Variants in C3orf38 observed in about 807,000 individuals in gnomAD.
The protein encoded by C3orf38 is chromosome 3 open reading frame 38.
C3orf38 carries 18 observed loss-of-function variants against 28.3 expected under a neutral mutation model. The ratio of observed to expected loss-of-function variants is 0.64; its 90% CI spans 0.44 to 0.94. The LOEUF is 0.94. Ranked by LOEUF, C3orf38 falls within the 40% of genes least tolerant of loss-of-function variation. The pLI is 0.00. For missense variants in C3orf38, 364 were observed against 396.4 expected, an observed-to-expected ratio of 0.92 and a Z score of 0.69; for synonymous variants, 145 against 138.1, an observed-to-expected ratio of 1.05 and a Z score of -0.35.
intron 1 of C3orf38, among the ~76,000 whole-genome samples, chr3:88,151,921 T>C (rs1707419593): frequency 6.6e-6 from 1 of 152,062 alleles, no homozygotes; most frequent in Admixed American, 6.5e-5. Flanking sequence ...AGAAGGGAAA[T>C]TTTAAAGCAA....
intron 2 of C3orf38, among the ~76,000 whole-genome samples, chr3:88,155,097 T>G (rs1296350223): frequency 1.1e-4 from 17 of 152,034 alleles, no homozygotes; most frequent in Non-Finnish European, 1.9e-4. Context: ...TAACCTCAAG[T>G]GATCTGCCTG....
At chr3:88,154,558 T>A (rs532236115) in intron 2 of C3orf38, among the ~76,000 whole-genome samples, 25 of 152,334 alleles carry the variant, frequency 1.6e-4, no homozygotes, top group African/African-American at 5.8e-4. Context: ...TTTTTTGAAT[T>A]AATGAGGTTT....
chr3:88,153,544 G>C, intron 2 of C3orf38, 73 bp downstream of exon 2: 1 of 1,515,406 alleles, frequency 6.6e-7, no homozygotes, highest in Non-Finnish European at 9.0e-7. Context: ...CTAGATTGTG[G>C]GGAACATGGT....
At chr3:88,155,071 A>T (rs1707461074) in intron 2 of C3orf38, among the ~76,000 whole-genome samples, 1 of 151,786 alleles carries the variant, frequency 6.6e-6, no homozygotes, top group East Asian at 1.9e-4. Flanking sequence ...TGTTGTCAAG[A>T]CTGGTCTTGA....
chr3:88,156,603 G>T lies in C3orf38; in HGVS notation c.958G>T (p.Ala320Ser), dbSNP rs1252953947. Reference protein sequence around the residue: ...TNEVRHNVKQASDSGTGDQV With the variant: ...TNEVRHNVKQSSDSGTGDQV ...TGAAGTACGACATAATGTAAAGCAG[G>T]CTTCGGATAGTGGAACTGGGGACCA... Residue 320 changes from alanine to serine, a missense_variant, in exon 3 of 3, where the codon GCT becomes TCT. Ala to Ser is a moderately conservative substitution (Grantham distance 99). Coordinates refer to ENST00000318887, the MANE Select transcript of C3orf38 (RefSeq NM_173824.4). 6.2e-7 allele frequency: 1 copy of T among 1,611,540 alleles called. No homozygotes were observed. The highest frequency in any genetic ancestry group is 1.3e-5 in the African/African-American group (1 of 74,792).
At chr3:88,150,292 A>C in intron 1 of C3orf38, 107 bp downstream of exon 1, 1 of 1,365,544 alleles carries the variant, frequency 7.3e-7, no homozygotes, top group Non-Finnish European at 1.0e-6. Flanking sequence ...GCAGATCCAC[A>C]GCTCTGGAAC....
chr3:88,153,906 A>G lies in C3orf38; in HGVS notation c.375+435A>G, dbSNP rs532273606. Among the ~76,000 whole-genome samples the G allele has an allele frequency of 1.1e-4, 16 of 152,258 alleles. No individual in the cohort carries two copies. In the South Asian group the frequency reaches 3.3e-3, roughly 32 times the overall value. ...TAATTTTAACTTTATTTCATATCCT[A>G]TCAATCCTGAAGGAAGGAAGAGACC... On this transcript the variant is annotated intron_variant, in intron 2 of 2. Coordinates refer to ENST00000318887, the MANE Select transcript of C3orf38 (RefSeq NM_173824.4).
chr3:88,156,653 A>G lies in C3orf38; in HGVS notation c.*18A>G, dbSNP rs1707484366. 1.3e-6 allele frequency: 2 copies of G among 1,598,246 alleles called. No homozygotes were observed. The highest frequency in any genetic ancestry group is 1.3e-5 in the African/African-American group (1 of 74,208). On this transcript the variant is annotated 3_prime_UTR_variant, in exon 3 of 3. Transcript: ENST00000318887. ...AAGTTTGAGGTAGTGGAAATGAGAC[A>G]TTGCTGAACAAAAGAGAACTGGGTT... is the stretch of plus-strand genomic sequence containing the variant.
intron 1 of C3orf38, among the ~76,000 whole-genome samples, 186 bp downstream of exon 1, chr3:88,150,371 G>C (rs1384839558): frequency 6.6e-6 from 1 of 152,184 alleles, no homozygotes; most frequent in African/African-American, 2.4e-5. Flanking sequence ...ACGGCTTCCA[G>C]GTTTTATCCA....
intron 2 of C3orf38, among the ~76,000 whole-genome samples, chr3:88,154,279 G>A (rs1195200283): frequency 4.6e-5 from 7 of 151,976 alleles, no homozygotes; most frequent in Non-Finnish European, 1.0e-4. Flanking sequence ...GGTTTGCTGC[G>A]CCTATCAACC....
rs1454096561 is a variant in C3orf38, at chr3:88,150,159, G to T, written c.107G>T (p.Arg36Leu). 5.0e-6 allele frequency: 8 copies of T among 1,613,970 alleles called. No individual in the cohort carries two copies. The highest frequency in any genetic ancestry group is 6.8e-6 in the Non-Finnish European group (8 of 1,180,028). The change falls in exon 1 of 3, where the codon CGC (arginine) becomes CTC (leucine). Residue 36 changes from arginine to leucine, a missense_variant. Arg to Leu is a moderately radical substitution (Grantham distance 102, BLOSUM62 -2). Coordinates refer to ENST00000318887, the MANE Select transcript of C3orf38 (RefSeq NM_173824.4). ...IMALCDTVTNRLVQPQDRQDA... is the reference protein window; with the variant it reads ...IMALCDTVTNLLVQPQDRQDA... ...GCCCTATGCGACACTGTCACCAACC[G>T]CCTGGTGCAGCCTCAGGACCGCCAA...
chr3:88,150,153 C>A lies in C3orf38; in HGVS notation c.101C>A (p.Thr34Asn). Residue 34 changes from threonine to asparagine, a missense_variant, in exon 1 of 3, where the codon ACC (threonine) becomes AAC (asparagine). By Grantham distance (65) the Thr-to-Asn change is moderately conservative (BLOSUM62 0). Coordinates refer to ENST00000318887, the MANE Select transcript of C3orf38 (RefSeq NM_173824.4). Reference protein sequence around the residue: ...DEIMALCDTVTNRLVQPQDRQ... With the variant: ...DEIMALCDTVNNRLVQPQDRQ... ...ATCATGGCCCTATGCGACACTGTCA[C>A]CAACCGCCTGGTGCAGCCTCAGGAC... is the stretch of plus-strand genomic sequence containing the variant. The A allele has an allele frequency of 6.2e-7, 1 of 1,614,164 alleles. No homozygotes were observed. Among genetic ancestry groups the A allele is most frequent in the Non-Finnish European group, 8.5e-7 (1 of 1,180,034 alleles).
intron 1 of C3orf38, among the ~76,000 whole-genome samples, chr3:88,152,235 G>C (rs577847799): frequency 6.6e-6 from 1 of 151,608 alleles, no homozygotes; most frequent in Non-Finnish European, 1.5e-5. Flanking sequence ...GGCCAACATG[G>C]TGAAACCCCG....
Position 88,157,323 on chromosome 3 carries a change from T to C in C3orf38, c.*688T>C, listed in dbSNP as rs767190440. On this transcript the variant is annotated 3_prime_UTR_variant, in exon 3 of 3. Coordinates refer to ENST00000318887, the MANE Select transcript of C3orf38 (RefSeq NM_173824.4). ...TAATCTGCAACATTTTCCTTACTGT[T>C]TTTGGGCAGTGATAAATGCTGTTCT... The C allele has an allele frequency of 2.0e-5, 3 of 152,246 alleles. No homozygotes were observed. Among genetic ancestry groups the C allele is most frequent in the South Asian group, 2.1e-4 (1 of 4,832 alleles). The allele number at this position is 152,246 out of a possible 1,614,324, so 9.4% of individuals were successfully genotyped here.
Position 88,156,694 on chromosome 3 carries a change from A to T in C3orf38, c.*59A>T. ...GAACTGGGTTTACCTGACCCTCTAA[A>T]GCGCTAAGTACTGTCAGCCTGAAAA... On this transcript the variant is annotated 3_prime_UTR_variant, in exon 3 of 3. Coordinates refer to ENST00000318887, the MANE Select transcript of C3orf38 (RefSeq NM_173824.4). The T allele has an allele frequency of 6.5e-7, 1 of 1,534,526 alleles. No individual in the cohort carries two copies. The highest frequency in any genetic ancestry group is 8.8e-7 in the Non-Finnish European group (1 of 1,141,302).
Position 88,156,710 on chromosome 3 carries a change from A to C in C3orf38, c.*75A>C. The C allele has an allele frequency of 6.8e-7, 1 of 1,462,616 alleles. No individual in the cohort carries two copies. The allele number at this position is 1,462,616 out of a possible 1,614,324, so 90.6% of individuals were successfully genotyped here. A position where few individuals can be genotyped will look rare whatever the true frequency, so the allele number is the denominator to read the frequency against. The stretch of plus-strand genomic sequence containing the variant: ...ACCCTCTAAAGCGCTAAGTACTGTC[A>C]GCCTGAAAAAAATCTTCTATACAGA... On this transcript the variant is annotated 3_prime_UTR_variant, in exon 3 of 3. Transcript: ENST00000318887.
chr3:88,150,362 C>A (rs942898070), intron 1 of C3orf38, among the ~76,000 whole-genome samples, 177 bp downstream of exon 1: 11 of 152,320 alleles, frequency 7.2e-5, no homozygotes, highest in African/African-American at 2.6e-4. Flanking sequence ...GATAATGGCA[C>A]GGCTTCCAGG....
At chr3:88,154,508 A>C (rs565513960) in intron 2 of C3orf38, among the ~76,000 whole-genome samples, 32 of 152,232 alleles carry the variant, frequency 2.1e-4, no homozygotes, top group African/African-American at 7.5e-4. Flanking sequence ...GCTTGAATTA[A>C]CCTCTATGTA....
At chr3:88,150,401 C>CT (rs1707392459) in intron 1 of C3orf38, among the ~76,000 whole-genome samples, 1 of 152,148 alleles carries the variant, frequency 6.6e-6, no homozygotes, top group South Asian at 2.1e-4. Context: ...ATGGGCAGCG[C>CT]TTGTTGATTC....
Sources: allele counts gnomAD v4.1 joint callset (sites outside exome capture counted in the v4.1 genomes callset), GRCh38; gene constraint gnomAD v4.1.1; transcripts MANE v1.5; gene names NCBI Gene and HGNC (gene_info 2026-07-23, HGNC 2026-07-21).